PPL: variants seen among roughly 807,000 people sequenced by gnomAD.
PPL encodes the protein 190 kDa paraneoplastic pemphigus antigen.
PPL carries 198 observed loss-of-function variants against 194.4 expected under a neutral mutation model. That is an observed-to-expected ratio of 1.02 (90% CI 0.91 to 1.15). The LOEUF is 1.15. PPL is among the 50% of genes most tolerant of loss of function. The pLI, the probability that PPL is intolerant of heterozygous loss-of-function variation, is 0.00. For synonymous variants in PPL, 1,220 were observed against 972.4 expected (o/e 1.25, Z -4.74); for missense variants, 2,885 against 2,294.8 (o/e 1.26, Z -5.25).
chr16:4,902,571 C>G lies in PPL; in HGVS notation c.318-45G>C, dbSNP rs773401748. The G allele has an allele frequency of 2.5e-6, 4 of 1,597,040 alleles. No individual in the cohort carries two copies. In the African/African-American group the frequency reaches 5.4e-5, roughly 21 times the overall value. ...CACTTAGTGGGGCTGGTTGGCACTGCCTGCACCCCAGGAGGGGCCCCCCAC... is the reference window on the plus strand; with the variant it reads ...CACTTAGTGGGGCTGGTTGGCACTGGCTGCACCCCAGGAGGGGCCCCCCAC... On this transcript the variant is annotated intron_variant, in intron 3 of 21. Coordinates refer to ENST00000345988, the MANE Select transcript of PPL (RefSeq NM_002705.5). The surrounding 1 kb of genome is among the most constrained non-coding windows in gnomAD (Gnocchi z 4.0).
At chr16:4,915,260 C>T (rs978516179) in intron 1 of PPL, among the ~76,000 whole-genome samples, 3 of 152,232 alleles carry the variant, frequency 2.0e-5, no homozygotes, top group African/African-American at 7.2e-5. Context: ...TGGGACAAAG[C>T]TGTGAGCGGT....
Position 4,884,736 on chromosome 16 carries a change from C to T in PPL, c.3919G>A (p.Glu1307Lys). The part of the protein sequence containing the change: ...QFQEDPQTKE[E>K]VASLRAKLSE... ...AGCTTTGCCCTCAGAGACGCCACCTCCTCCTTGGTTTGAGGGTCTTCTTGG... is the reference window on the plus strand; with the variant it reads ...AGCTTTGCCCTCAGAGACGCCACCTTCTCCTTGGTTTGAGGGTCTTCTTGG... Residue 1307 changes from glutamate to lysine, a missense_variant, in exon 22 of 22, where the codon GAG becomes AAG. Coordinates refer to ENST00000345988, the MANE Select transcript of PPL (RefSeq NM_002705.5). The surrounding 1 kb of genome is among the most constrained non-coding windows in gnomAD (Gnocchi z 5.7). 6.2e-7 allele frequency: 1 copy of T among 1,614,194 alleles called. No homozygotes were observed. The highest frequency in any genetic ancestry group is 8.5e-7 in the Non-Finnish European group (1 of 1,180,044).
intron 1 of PPL, among the ~76,000 whole-genome samples, chr16:4,936,520 T>C (rs986763039): frequency 2.0e-5 from 3 of 152,150 alleles, no homozygotes; most frequent in African/African-American, 7.2e-5. Flanking sequence ...CCAGCTCAGT[T>C]TCCCTGCCTC....
intron 1 of PPL, among the ~76,000 whole-genome samples, chr16:4,913,206 G>A (rs770195451): frequency 2.6e-5 from 4 of 151,786 alleles, no homozygotes; most frequent in African/African-American, 9.7e-5. Flanking sequence ...ACTGCCCCCC[G>A]TCCCCCAGAA....
chr16:4,916,606 A>G (rs1320863071), intron 1 of PPL, among the ~76,000 whole-genome samples: 1 of 152,046 alleles, frequency 6.6e-6, no homozygotes, highest in Admixed American at 6.5e-5. Flanking sequence ...CCCAGTCTCA[A>G]GCAATCTTTG....
intron 1 of PPL, among the ~76,000 whole-genome samples, chr16:4,922,868 T>A (rs552400378): frequency 4.1e-4 from 62 of 152,084 alleles, no homozygotes; most frequent in African/African-American, 1.4e-3. Flanking sequence ...ACAACTAACC[T>A]CAGAATTTGG....
rs1013316020 is a variant in PPL, at chr16:4,902,974, C to T, written c.318-448G>A. 2.6e-5 allele frequency among the ~76,000 whole-genome samples: 4 copies of T among 152,132 alleles called. No individual in the cohort carries two copies. Among genetic ancestry groups the T allele is most frequent in the Non-Finnish European group, 2.9e-5 (2 of 68,018 alleles). ...GAAGTGCTGGGATCACAGGCGTGAG[C>T]CACCGTGCCTGGCCCCACCCACTTT... On this transcript the variant is annotated intron_variant, in intron 3 of 21. Transcript: ENST00000345988. This position sits in a 1 kb window ranked among gnomAD's most constrained non-coding sequence, Gnocchi z 4.0.
intron 2 of PPL, among the ~76,000 whole-genome samples, chr16:4,907,605 G>C (rs1357983871): frequency 1.3e-5 from 2 of 152,070 alleles, no homozygotes; most frequent in Non-Finnish European, 2.9e-5. Context: ...TCTGGGGTAA[G>C]GGAAATGTTT....
chr16:4,916,917 G>A (rs143161617), intron 1 of PPL, among the ~76,000 whole-genome samples: 1 of 152,052 alleles, frequency 6.6e-6, no homozygotes, highest in Non-Finnish European at 1.5e-5. Context: ...ATCACCTGAG[G>A]TCAGGAGTTC....
At position 4,902,928 on chromosome 16, in the gene PPL, A is replaced by T. The variant is rs2088606013; in HGVS notation, c.318-402T>A. 6.6e-6 allele frequency among the ~76,000 whole-genome samples: 1 copy of T among 152,098 alleles called. No individual in the cohort carries two copies. The highest frequency in any genetic ancestry group is 2.4e-5 in the African/African-American group (1 of 41,418). ...GGTCTCGAACTCCTGACCTCAGGTG[A>T]TCCGTCCGCTTCGGCCTCCCGAAGT... is the stretch of plus-strand genomic sequence containing the variant. On this transcript the variant is annotated intron_variant, in intron 3 of 21. Transcript: ENST00000345988. This position sits in a 1 kb window ranked among gnomAD's most constrained non-coding sequence, Gnocchi z 4.0.
intron 19 of PPL, 33 bp downstream of exon 19, chr16:4,888,945 G>C: frequency 6.2e-7 from 1 of 1,600,734 alleles, no homozygotes; most frequent in Non-Finnish European, 8.6e-7. Flanking sequence ...GACCCCTGCT[G>C]TTTGTGCTTT....
At chr16:4,936,883 C>A in intron 1 of PPL, 101 bp downstream of exon 1, 1 of 1,217,236 alleles carries the variant, frequency 8.2e-7, no homozygotes, top group Non-Finnish European at 1.1e-6. Context: ...GTTCCTGGAC[C>A]CCCGTACCCC....
intron 18 of PPL, among the ~76,000 whole-genome samples, chr16:4,889,421 A>AT (rs201889512): frequency 0.18 from 27,351 of 149,262 alleles, 2,883 homozygotes; most frequent in Middle Eastern, 0.37. Context: ...TACCCAGCTA[A>AT]TTTTTTTTTG....
intron 2 of PPL, among the ~76,000 whole-genome samples, chr16:4,909,805 G>A (rs2088783156): frequency 6.6e-6 from 1 of 152,186 alleles, no homozygotes; most frequent in Non-Finnish European, 1.5e-5. Flanking sequence ...TTGATTTTCA[G>A]ATAAACAATA....
At chr16:4,929,013 T>TAAAA (rs1167603474) in intron 1 of PPL, among the ~76,000 whole-genome samples, 1 of 17,110 alleles carries the variant, frequency 5.8e-5, no homozygotes, top group East Asian at 1.5e-3. Context: ...AACTCTACCT[T>TAAAA]AAAAAAAAAA....
chr16:4,892,937 C>T (rs2088347484), intron 14 of PPL: 3 of 401,342 alleles, frequency 7.5e-6, no homozygotes, highest in Admixed American at 4.2e-5. Context: ...TGACCCAGTC[C>T]TGCGGAATTC....
intron 1 of PPL, among the ~76,000 whole-genome samples, chr16:4,921,595 C>T (rs4641742): frequency 2.5e-4 from 38 of 152,008 alleles, no homozygotes; most frequent in Admixed American, 5.2e-4. Context: ...GCCTCCCGAG[C>T]AGCTGGAATT....
At chr16:4,896,348 ATGAGTGGATAAACACAGTGGTCTAGC>A (rs1188259746) in intron 9 of PPL, among the ~76,000 whole-genome samples, 1 of 152,232 alleles carries the variant, frequency 6.6e-6, no homozygotes, top group Non-Finnish European at 1.5e-5. Context: ...CCAGCCACAG[ATGAGTGGATAAACACAGTGGTCTAGC>A]CATACAATAG....
intron 9 of PPL, among the ~76,000 whole-genome samples, chr16:4,896,232 G>C (rs2142352880): frequency 6.6e-6 from 1 of 152,298 alleles, no homozygotes; most frequent in Non-Finnish European, 1.5e-5. Context: ...CAGGGAATGA[G>C]GAGTGACACG....
Sources: allele counts gnomAD v4.1 joint callset (sites outside exome capture counted in the v4.1 genomes callset), GRCh38; gene constraint gnomAD v4.1.1; non-coding constraint Gnocchi (gnomAD v3.1); transcripts MANE v1.5; gene names NCBI Gene and HGNC (gene_info 2026-07-23, HGNC 2026-07-21).